The following CCDC85A variants were observed in gnomAD, a reference collection of about 807,000 sequenced individuals.
The protein encoded by CCDC85A is coiled-coil domain-containing protein 85A.
A neutral mutation model predicts 50.2 loss-of-function variants in CCDC85A; 38 were observed. The ratio of observed to expected loss-of-function variants is 0.76; its 90% CI spans 0.58 to 0.99. The LOEUF (loss-of-function observed/expected upper bound fraction) is 0.99, where lower values mean the gene tolerates loss of function less well. CCDC85A is among the 50% of genes least tolerant of loss of function. CCDC85A has a pLI of 0.00. For synonymous variants in CCDC85A, 366 were observed against 301.4 expected, an observed-to-expected ratio of 1.21 and a Z score of -2.22; for missense variants, 820 against 742.0, an observed-to-expected ratio of 1.11 and a Z score of -1.22.
chr2:56,255,893 T>C (rs1275327234), intron 2 of CCDC85A, among the ~76,000 whole-genome samples: 3 of 151,936 alleles, frequency 2.0e-5, no homozygotes, highest in Admixed American at 2.0e-4. Context: ...AAATACAGGG[T>C]TAACATTGGT....
chr2:56,325,187 T>G (rs1301020500), intron 2 of CCDC85A, among the ~76,000 whole-genome samples: 1 of 152,100 alleles, frequency 6.6e-6, no homozygotes, highest in Non-Finnish European at 1.5e-5. Context: ...AGAATAAAAT[T>G]TAAGATTCAT....
intron 2 of CCDC85A, among the ~76,000 whole-genome samples, chr2:56,206,119 A>C (rs1414641405): frequency 6.6e-6 from 1 of 152,108 alleles, no homozygotes; most frequent in Non-Finnish European, 1.5e-5. Flanking sequence ...AGGTGGTGGC[A>C]GATAATTTTG....
chr2:56,198,264 A>G (rs964436893), intron 2 of CCDC85A, among the ~76,000 whole-genome samples: 3 of 152,258 alleles, frequency 2.0e-5, no homozygotes, highest in Non-Finnish European at 4.4e-5. Context: ...TAAAAAAGTC[A>G]GCACATCACT....
At position 56,384,288 on chromosome 2, in the gene CCDC85A, A is replaced by T. The variant is rs1029100436; in HGVS notation, c.1595A>T (p.Asp532Val). Residue 532 changes from aspartate to valine, a missense_variant, in exon 6 of 6, where the codon GAT becomes GTT. Coordinates refer to ENST00000407595, the MANE Select transcript of CCDC85A (RefSeq NM_001080433.2). Reference protein sequence around the residue: ...SLKVVWRKLGDAAGSCPGIRQ... With the variant: ...SLKVVWRKLGVAAGSCPGIRQ... ...AAGGTTGTGTGGAGGAAACTTGGAGATGCTGCAGGTTCGTGTCCTGGAATT... is the reference window on the plus strand; with the variant it reads ...AAGGTTGTGTGGAGGAAACTTGGAGTTGCTGCAGGTTCGTGTCCTGGAATT... 1 of 1,610,796 alleles carries T rather than the reference A, an allele frequency of 6.2e-7. No homozygotes were observed. The highest frequency in any genetic ancestry group is 8.5e-7 in the Non-Finnish European group (1 of 1,178,012).
At chr2:56,200,610 G>C (rs1235065174) in intron 2 of CCDC85A, among the ~76,000 whole-genome samples, 1 of 152,202 alleles carries the variant, frequency 6.6e-6, no homozygotes, top group African/African-American at 2.4e-5. Context: ...CTCTTTCTTA[G>C]ATAGAGGATC....
At chr2:56,281,120 C>T (rs1381701870) in intron 2 of CCDC85A, among the ~76,000 whole-genome samples, 1 of 152,050 alleles carries the variant, frequency 6.6e-6, no homozygotes, top group African/African-American at 2.4e-5. Flanking sequence ...ATTTAGGTGG[C>T]CACTATTCTT....
intron 3 of CCDC85A, among the ~76,000 whole-genome samples, chr2:56,369,073 A>G (rs1042032105): frequency 1.1e-4 from 16 of 151,978 alleles, no homozygotes; most frequent in African/African-American, 3.6e-4. Flanking sequence ...TTTGTGATTC[A>G]TGTATTTTAG....
chr2:56,381,073 T>A (rs1676563568), intron 5 of CCDC85A, among the ~76,000 whole-genome samples: 1 of 152,096 alleles, frequency 6.6e-6, no homozygotes, highest in South Asian at 2.1e-4. Flanking sequence ...ATTTTTTATG[T>A]GCTGGAATGA....
intron 2 of CCDC85A, among the ~76,000 whole-genome samples, chr2:56,222,903 A>G (rs7579447): frequency 0.38 from 57,648 of 152,080 alleles, 12,434 homozygotes; most frequent in East Asian, 0.59. Context: ...AACAATTTGC[A>G]TGCTTCATGG....
chr2:56,335,081 A>G (rs972341322), intron 2 of CCDC85A, among the ~76,000 whole-genome samples: 1 of 152,238 alleles, frequency 6.6e-6, no homozygotes, highest in East Asian at 1.9e-4. Context: ...GGCAAATCTG[A>G]AAGTGCTGGT....
At chr2:56,362,332 TCAA>T (rs1675569101) in intron 3 of CCDC85A, among the ~76,000 whole-genome samples, 1 of 151,976 alleles carries the variant, frequency 6.6e-6, no homozygotes, top group South Asian at 2.1e-4. Context: ...GTGTTGGACA[TCAA>T]CAAGGAGATG....
rs115977777 is a variant in CCDC85A, at chr2:56,355,282, C to G, written c.1317+12327C>G. Among the ~76,000 whole-genome samples, 521 of 152,314 alleles carry G rather than the reference C, an allele frequency of 3.4e-3. 2 individuals carry two copies. Among genetic ancestry groups the G allele is most frequent in the African/African-American group, 0.012 (505 of 41,572 alleles). ...GGAAAAGTAGCTCCTTCCCCAGGGTCTACTGTTAAGGCCAGGAAATGGAGG... is the reference window on the plus strand; with the variant it reads ...GGAAAAGTAGCTCCTTCCCCAGGGTGTACTGTTAAGGCCAGGAAATGGAGG... On this transcript the variant is annotated intron_variant, in intron 3 of 5. Transcript: ENST00000407595.
chr2:56,218,147 A>C (rs1354082651), intron 2 of CCDC85A, among the ~76,000 whole-genome samples: 1 of 151,860 alleles, frequency 6.6e-6, no homozygotes, highest in Non-Finnish European at 1.5e-5. Context: ...AAATGCTCTT[A>C]AGTAATTTCA....
intron 3 of CCDC85A, among the ~76,000 whole-genome samples, chr2:56,351,474 T>C (rs1239846678): frequency 6.9e-6 from 1 of 144,022 alleles, no homozygotes; most frequent in Admixed American, 6.8e-5. Flanking sequence ...ACCAACAGTG[T>C]AAAAGTGTTC....
intron 2 of CCDC85A, among the ~76,000 whole-genome samples, chr2:56,245,437 G>A (rs375088621): frequency 6.6e-6 from 1 of 152,222 alleles, no homozygotes; most frequent in African/African-American, 2.4e-5. Context: ...AGGAGGGGGT[G>A]GCCTCAGCAA....
At chr2:56,306,614 A>G (rs1467911817) in intron 2 of CCDC85A, among the ~76,000 whole-genome samples, 1 of 152,192 alleles carries the variant, frequency 6.6e-6, no homozygotes, top group Non-Finnish European at 1.5e-5. Flanking sequence ...TATGAGTATA[A>G]ATTATAAATG....
chr2:56,251,045 G>A (rs544910744), intron 2 of CCDC85A, among the ~76,000 whole-genome samples: 10 of 151,900 alleles, frequency 6.6e-5, no homozygotes, highest in South Asian at 2.1e-4. Flanking sequence ...TACGTTTCTG[G>A]TCTGACACTT....
intron 2 of CCDC85A, among the ~76,000 whole-genome samples, chr2:56,251,684 T>C (rs1041315205): frequency 6.6e-6 from 1 of 152,054 alleles, no homozygotes; most frequent in African/African-American, 2.4e-5. Context: ...GTTCTTATTA[T>C]TGGGACTCCT....
intron 1 of CCDC85A, among the ~76,000 whole-genome samples, chr2:56,190,900 A>G (rs991435243): frequency 6.6e-6 from 1 of 152,142 alleles, no homozygotes; most frequent in African/African-American, 2.4e-5. Context: ...GAATCATGTA[A>G]TGTCACTCCT....
Sources: gnomAD v4.1 joint callset for allele counts (sites outside exome capture counted in the v4.1 genomes callset) on GRCh38, gnomAD v4.1.1 for gene constraint, MANE v1.5 for transcripts, NCBI Gene and HGNC (gene_info 2026-07-23, HGNC 2026-07-21) for gene names.